PROSER2: variants seen among roughly 807,000 people sequenced by gnomAD.
PROSER2 encodes proline and serine rich 2.
In PROSER2, 18 loss-of-function variants were observed where a neutral mutation model predicts 14.6. The observed-to-expected ratio is 1.23, with a 90% CI of 0.85 to 1.83. PROSER2 has a LOEUF of 1.83. Ranked by LOEUF, PROSER2 falls within the 40% of genes most tolerant of loss-of-function variation. PROSER2 has a pLI of 0.00. For synonymous variants in PROSER2, 367 were observed against 286.4 expected (o/e 1.28, Z -2.84); for missense variants, 823 against 629.8 (o/e 1.31, Z -3.28).
chr10:11,865,032 C>T lies in PROSER2; in HGVS notation c.139-1499C>T, dbSNP rs1834318811. ...TTTGATTTTTATTCATTAGGTTGTA[C>T]ACTAAGGACCCCTTTCAGTTTGGAA... On this transcript the variant is annotated intron_variant, in intron 2 of 3. Coordinates refer to ENST00000277570, the MANE Select transcript of PROSER2 (RefSeq NM_153256.4). The surrounding 1 kb of genome is among the most constrained non-coding windows in gnomAD (Gnocchi z 4.2). 6.6e-6 allele frequency among the ~76,000 whole-genome samples: 1 copy of T among 152,138 alleles called. No homozygotes were observed. Among genetic ancestry groups the T allele is most frequent in the Non-Finnish European group, 1.5e-5 (1 of 68,020 alleles).
intron 1 of PROSER2, among the ~76,000 whole-genome samples, chr10:11,825,177 G>A (rs1476483118): frequency 6.6e-6 from 1 of 152,224 alleles, no homozygotes; most frequent in African/African-American, 2.4e-5. Context: ...AACTCCAGGA[G>A]TGGAGCCTGG....
chr10:11,839,816 T>G (rs71487598), intron 1 of PROSER2, among the ~76,000 whole-genome samples: 2 of 145,404 alleles, frequency 1.4e-5, no homozygotes, highest in Non-Finnish European at 3.0e-5. Flanking sequence ...CAGAGTGAGA[T>G]TGTCTCAAAA....
chr10:11,848,712 A>G (rs1031683233), intron 1 of PROSER2, among the ~76,000 whole-genome samples: 2 of 151,998 alleles, frequency 1.3e-5, no homozygotes, highest in Admixed American at 6.5e-5. Flanking sequence ...TCATCCCCCC[A>G]GTTTGCACCT....
In PROSER2 at chr10:11,837,238, G is replaced by A. The variant is rs897404173; in HGVS notation, c.-82+13768G>A. 1.3e-5 allele frequency among the ~76,000 whole-genome samples: 2 copies of A among 152,178 alleles called. No homozygotes were observed. Among genetic ancestry groups the A allele is most frequent in the Non-Finnish European group, 2.9e-5 (2 of 68,036 alleles). ...GAAAAAAAAATCAAATGCTGAGGTC[G>A]CTGAGACCTACTGTAAGAACAAATC... is the stretch of plus-strand genomic sequence containing the variant. On this transcript the variant is annotated intron_variant, in intron 1 of 3. Transcript: ENST00000277570. This position sits in a 1 kb window ranked among gnomAD's most constrained non-coding sequence, Gnocchi z 4.6.
chr10:11,855,873 G>A (rs1187819585), intron 2 of PROSER2, among the ~76,000 whole-genome samples: 1 of 152,196 alleles, frequency 6.6e-6, no homozygotes, highest in Non-Finnish European at 1.5e-5. Flanking sequence ...TATGACTGAG[G>A]CTGTTCTAAG....
In PROSER2 at chr10:11,838,048, A is replaced by G. The variant is rs765957625; in HGVS notation, c.-81-13949A>G. Among the ~76,000 whole-genome samples the G allele has an allele frequency of 1.9e-4, 29 of 152,072 alleles. No individual in the cohort carries two copies. The highest frequency in any genetic ancestry group is 4.1e-4 in the Non-Finnish European group (28 of 68,024). ...CATACTGGGTCTTTCAAAGGCTCCA[A>G]GGTGCTGAAATGACCTGATAAATCA... is the stretch of plus-strand genomic sequence containing the variant. On this transcript the variant is annotated intron_variant, in intron 1 of 3. Transcript: ENST00000277570. The surrounding 1 kb of genome is among the most constrained non-coding windows in gnomAD (Gnocchi z 4.4).
rs776622148 is a variant in PROSER2 at position 11,869,760 on chromosome 10, G to T, written c.662G>T (p.Arg221Leu). ...CCCACCTCCCCGTTCAGGGAGGGCC[G>T]GCCCGGGGAGTGGAGGACACCTGCC... is the stretch of plus-strand genomic sequence containing the variant. The part of the protein sequence containing the change: ...LSPTSPFREG[R>L]PGEWRTPAAR... Residue 221 changes from arginine (R) to leucine (L), a missense_variant, in exon 4 of 4, where the codon CGG becomes CTG. Transcript: ENST00000277570. The surrounding 1 kb of genome is among the most constrained non-coding windows in gnomAD (Gnocchi z 4.4). 1.3e-6 allele frequency: 2 copies of T among 1,571,952 alleles called. No individual in the cohort carries two copies. Among genetic ancestry groups the T allele is most frequent in the South Asian group, 2.4e-5 (2 of 85,046 alleles).
At chr10:11,840,247 T>C (rs1349028086) in intron 1 of PROSER2, among the ~76,000 whole-genome samples, 1 of 148,940 alleles carries the variant, frequency 6.7e-6, no homozygotes, top group Non-Finnish European at 1.5e-5. Flanking sequence ...GCCACCACGC[T>C]GTCCTCATTT....
chr10:11,828,868 G>C (rs1165039639), intron 1 of PROSER2, among the ~76,000 whole-genome samples: 1 of 152,168 alleles, frequency 6.6e-6, no homozygotes, highest in African/African-American at 2.4e-5. Flanking sequence ...GATGTGAATT[G>C]ATAACAGAGA....
At chr10:11,863,884 GC>G (rs1361403442) in intron 2 of PROSER2, among the ~76,000 whole-genome samples, 1 of 152,112 alleles carries the variant, frequency 6.6e-6, no homozygotes, top group East Asian at 1.9e-4. Flanking sequence ...TTTCGGTTTT[GC>G]TTGCATGGTT....
chr10:11,838,394 T>C lies in PROSER2; in HGVS notation c.-81-13603T>C, dbSNP rs994085745. On this transcript the variant is annotated intron_variant, in intron 1 of 3. Coordinates refer to ENST00000277570, the MANE Select transcript of PROSER2 (RefSeq NM_153256.4). The surrounding 1 kb of genome is among the most constrained non-coding windows in gnomAD (Gnocchi z 4.4). ...TATTCCGTAGTAAGCATTTACCACG[T>C]TTCTACTTATAGAAAGTTCATGGTA... 3.3e-5 allele frequency among the ~76,000 whole-genome samples: 5 copies of C among 152,246 alleles called. No individual in the cohort carries two copies. The highest frequency in any genetic ancestry group is 3.3e-4 in the Admixed American group (5 of 15,282).
intron 2 of PROSER2, among the ~76,000 whole-genome samples, chr10:11,855,211 C>T (rs1163416869): frequency 1.3e-5 from 2 of 149,654 alleles, no homozygotes; most frequent in African/African-American, 4.9e-5. Flanking sequence ...CGGTGGCTCA[C>T]GCCTGTAATC....
At chr10:11,860,569 C>T (rs1004486953) in intron 2 of PROSER2, among the ~76,000 whole-genome samples, 10 of 151,780 alleles carry the variant, frequency 6.6e-5, no homozygotes, top group African/African-American at 1.9e-4. Flanking sequence ...GAGCCAAGAT[C>T]GTGCCACTGC....
At chr10:11,832,989 C>T (rs1004492331) in intron 1 of PROSER2, among the ~76,000 whole-genome samples, 1 of 151,498 alleles carries the variant, frequency 6.6e-6, no homozygotes, top group Admixed American at 6.6e-5. Flanking sequence ...ATTACAGGCA[C>T]ACGCCACCAT....
intron 1 of PROSER2, among the ~76,000 whole-genome samples, chr10:11,843,675 G>T (rs1833883441): frequency 6.9e-6 from 1 of 144,304 alleles, no homozygotes; most frequent in South Asian, 2.2e-4. Context: ...GACAGAGCGA[G>T]ACTCTGTCTC....
intron 3 of PROSER2, among the ~76,000 whole-genome samples, chr10:11,867,435 C>A (rs1461101139): frequency 2.0e-5 from 3 of 152,092 alleles, no homozygotes; most frequent in Admixed American, 2.0e-4. Flanking sequence ...GAGTTCAAGA[C>A]CAGCCTGGCC....
chr10:11,865,731 C>T lies in PROSER2; in HGVS notation c.139-800C>T, dbSNP rs1014934632. Among the ~76,000 whole-genome samples, 17 of 152,224 alleles carry T rather than the reference C, an allele frequency of 1.1e-4. No individual in the cohort carries two copies. Among genetic ancestry groups the T allele is most frequent in the South Asian group, 4.1e-4 (2 of 4,826 alleles). On this transcript the variant is annotated intron_variant, in intron 2 of 3. Coordinates refer to ENST00000277570, the MANE Select transcript of PROSER2 (RefSeq NM_153256.4). The surrounding 1 kb of genome is among the most constrained non-coding windows in gnomAD (Gnocchi z 4.2). ...CCACACTGTTAACACGGCACTCCAC[C>T]GTCAGCTTTGCTCCGTGGCCCCACT...
At chr10:11,861,296 G>A (rs922661259) in intron 2 of PROSER2, among the ~76,000 whole-genome samples, 8 of 152,084 alleles carry the variant, frequency 5.3e-5, no homozygotes, top group Admixed American at 2.0e-4. Flanking sequence ...CCCTGGAAGC[G>A]TGGCTTGGTA....
chr10:11,851,268 G>A (rs1368294744), intron 1 of PROSER2: 1 of 152,200 alleles, frequency 6.6e-6, no homozygotes, highest in East Asian at 1.9e-4. Context: ...ATGAAATTAA[G>A]GGGCTTACAG....
Sources: gnomAD v4.1 joint callset for allele counts (sites outside exome capture counted in the v4.1 genomes callset) on GRCh38, gnomAD v4.1.1 for gene constraint, Gnocchi (gnomAD v3.1) non-coding constraint, MANE v1.5 for transcripts, NCBI Gene and HGNC (gene_info 2026-07-23, HGNC 2026-07-21) for gene names.